Variants in SPOCD1 observed in about 807,000 individuals in gnomAD.
The protein encoded by SPOCD1 is SPOC domain containing 1.
Under a neutral mutation model 92.2 loss-of-function variants are expected in SPOCD1, and 64 were observed. The ratio of observed to expected loss-of-function variants is 0.69; its 90% CI spans 0.57 to 0.86. The LOEUF (loss-of-function observed/expected upper bound fraction) is 0.86, where lower values mean the gene tolerates loss of function less well. Among genes scored for constraint, SPOCD1 ranks in the 40% least tolerant of loss-of-function variants. The pLI is 0.00. For synonymous variants in SPOCD1, 578 were observed against 619.3 expected, an observed-to-expected ratio of 0.93 and a Z score of 0.99; for missense variants, 1,360 against 1,543.1, an observed-to-expected ratio of 0.88 and a Z score of 1.99.
At chr1:31,808,770 A>T (rs1649008703) in intron 2 of SPOCD1, among the ~76,000 whole-genome samples, 1 of 152,224 alleles carries the variant, frequency 6.6e-6, no homozygotes, top group Non-Finnish European at 1.5e-5. Context: ...TTGTCTACAT[A>T]GAAAACAAAC....
At chr1:31,793,011 T>C (rs868739988) in intron 13 of SPOCD1, among the ~76,000 whole-genome samples, 2 of 152,178 alleles carry the variant, frequency 1.3e-5, no homozygotes, top group South Asian at 2.1e-4. Context: ...TCCGACACTT[T>C]AGCTGATCAT....
At position 31,792,299 on chromosome 1, in the gene SPOCD1, AG is replaced by A. The variant is rs1249604960; in HGVS notation, c.2877del (p.Ser960LeufsTer100). 6.2e-7 allele frequency: 1 copy of A among 1,613,886 alleles called. No individual in the cohort carries two copies. The highest frequency in any genetic ancestry group is 8.5e-7 in the Non-Finnish European group (1 of 1,179,960). ...YLNDRQRHGL[A>X]SVEHMGMVLL... ...AGGACCATCCCCATGTGCTCCACAG[AG>A]GCCAGCCCGTGGCGCTGCCTATCAT... On this transcript the variant is annotated frameshift_variant, in exon 15 of 16. Coordinates refer to ENST00000360482, the MANE Select transcript of SPOCD1 (RefSeq NM_144569.7). LOFTEE classifies it high-confidence loss of function.
Position 31,815,351 on chromosome 1 carries a change from G to A in SPOCD1, c.-18C>T, listed in dbSNP as rs1354696158. 2 of 1,520,180 alleles carry A rather than the reference G, an allele frequency of 1.3e-6. No individual in the cohort carries two copies. Among genetic ancestry groups the A allele is most frequent in the South Asian group, 2.6e-5 (2 of 75,770 alleles). 94.2% of individuals were successfully genotyped at this position (1,520,180 alleles called of 1,614,324 possible). A position where few individuals can be genotyped will look rare whatever the true frequency, so the allele number is the denominator to read the frequency against. On this transcript the variant is annotated 5_prime_UTR_variant, in exon 2 of 16. Transcript: ENST00000360482. ...TGGGACATGTCTGTCCACCTACCTG[G>A]GCCAAAAGCACAACACGGGCCCTGT...
Position 31,798,636 on chromosome 1 carries a change from C to T in SPOCD1, c.1869-35G>A. 6.3e-7 allele frequency: 1 copy of T among 1,598,758 alleles called. No individual in the cohort carries two copies. Among genetic ancestry groups the T allele is most frequent in the Non-Finnish European group, 8.5e-7 (1 of 1,173,820 alleles). On this transcript the variant is annotated intron_variant, in intron 7 of 15. Coordinates refer to ENST00000360482, the MANE Select transcript of SPOCD1 (RefSeq NM_144569.7). This position sits in a 1 kb window ranked among gnomAD's most constrained non-coding sequence, Gnocchi z 4.1. ...CCAGGGCAGGGCGGGGGCACTGAGC[C>T]CAGGAGGCTCTCCAGGCACTTAGTC... is the stretch of plus-strand genomic sequence containing the variant.
intron 2 of SPOCD1, among the ~76,000 whole-genome samples, chr1:31,807,751 G>A (rs1371335116): frequency 1.3e-5 from 2 of 151,972 alleles, no homozygotes; most frequent in Admixed American, 1.3e-4. Context: ...ACAATTGTCT[G>A]ACAAGATTGA....
intron 2 of SPOCD1, among the ~76,000 whole-genome samples, chr1:31,808,921 C>A (rs1230032040): frequency 2.6e-5 from 4 of 152,004 alleles, no homozygotes; most frequent in Non-Finnish European, 4.4e-5. Flanking sequence ...ACAGGCCAGG[C>A]CTGGTGGCTC....
In SPOCD1 at chr1:31,793,432, G is replaced by C; in HGVS notation, c.2535-4C>G. ...ATGGAGCCCAGATGGAGGGACCCTA[G>C]AGGGAGGGACAGAAGACAGGGCCAG... On this transcript the variant is annotated splice_region_variant and splice_polypyrimidine_tract_variant and intron_variant, in intron 12 of 15. Transcript: ENST00000360482. The C allele has an allele frequency of 6.3e-7, 1 of 1,585,950 alleles. No homozygotes were observed. Among genetic ancestry groups the C allele is most frequent in the Non-Finnish European group, 8.6e-7 (1 of 1,165,922 alleles).
At chr1:31,812,313 T>C (rs1344771295) in intron 2 of SPOCD1, among the ~76,000 whole-genome samples, 4 of 152,160 alleles carry the variant, frequency 2.6e-5, no homozygotes, top group African/African-American at 7.2e-5. Context: ...ACTACAGTGG[T>C]TGGAAATGAG....
chr1:31,800,603 T>C lies in SPOCD1; in HGVS notation c.1440A>G (p.Pro480=), dbSNP rs1648393440. ...TGATGGCCCCCAGGAGCTGGATCAC[T>C]GGCCCGGAACCCAGCTGCGGGGGAG... ...VKLVCYLGSG[P]VIQLLGAISH... The change falls in exon 4 of 16, where the codon CCA becomes CCG. Residue 480 remains proline (P), a synonymous_variant. Coordinates refer to ENST00000360482, the MANE Select transcript of SPOCD1 (RefSeq NM_144569.7). 2 of 1,607,256 alleles carry C rather than the reference T, an allele frequency of 1.2e-6. No homozygotes were observed.
chr1:31,792,190 T>G (rs1229295149), intron 15 of SPOCD1, 25 bp downstream of exon 15: 1 of 1,577,034 alleles, frequency 6.3e-7, no homozygotes. Flanking sequence ...AGAGGCAGGG[T>G]CTGGTATGGG....
intron 2 of SPOCD1, among the ~76,000 whole-genome samples, chr1:31,806,800 G>A (rs61779651): frequency 0.36 from 54,615 of 151,890 alleles, 11,150 homozygotes; most frequent in Admixed American, 0.47. Context: ...TTATCCGCCC[G>A]CCTAGGCCTC....
In SPOCD1 at chr1:31,815,187, G is replaced by C. The variant is rs375088993; in HGVS notation, c.147C>G (p.Pro49=). The part of the protein sequence containing the change: ...SPDGPGASSG[P]GVRAGSRRKI... ...TCCTTCTGCTGCCAGCCCTGACTCCGGGCCCAGAGCTTGCTCCCGGCCCAT... is the reference window on the plus strand; with the variant it reads ...TCCTTCTGCTGCCAGCCCTGACTCCCGGCCCAGAGCTTGCTCCCGGCCCAT... The change falls in exon 2 of 16, where the codon CCC becomes CCG. Residue 49 remains proline, a synonymous_variant. Transcript: ENST00000360482. The C allele has an allele frequency of 6.2e-7, 1 of 1,607,898 alleles. No individual in the cohort carries two copies. Among genetic ancestry groups the C allele is most frequent in the African/African-American group, 1.3e-5 (1 of 74,826 alleles).
At chr1:31,799,250 C>T in intron 7 of SPOCD1, 151 bp downstream of exon 7, 1 of 669,302 alleles carries the variant, frequency 1.5e-6, no homozygotes, top group Non-Finnish European at 2.6e-6. Flanking sequence ...CAGCTCTCCA[C>T]TGGCTCTTGG....
chr1:31,798,328 T>TGGGGGCA lies in SPOCD1; in HGVS notation c.2029-12_2029-6dup. ...AACCACTTTGAGAAACAAGTCCTGG[T>TGGGGGCA]GGGGGCAGGGGGCAGGGCTGCACCA... On this transcript the variant is annotated splice_region_variant and splice_polypyrimidine_tract_variant and intron_variant, in intron 8 of 15. Coordinates refer to ENST00000360482, the MANE Select transcript of SPOCD1 (RefSeq NM_144569.7). This position sits in a 1 kb window ranked among gnomAD's most constrained non-coding sequence, Gnocchi z 4.1. The TGGGGGCA allele has an allele frequency of 6.2e-7, 1 of 1,611,810 alleles. No homozygotes were observed. The highest frequency in any genetic ancestry group is 8.5e-7 in the Non-Finnish European group (1 of 1,178,772).
chr1:31,815,857 A>AGTTCTCACACTGCGCAAGGAGCAGATACT (rs1234137605), intron 1 of SPOCD1, 104 bp downstream of exon 1: 1 of 152,292 alleles, frequency 6.6e-6, no homozygotes. Context: ...TCTCTCTCCC[A>AGTTCTCACACTGCGCAAGGAGCAGATACT]TCGGTCCCGT....
At chr1:31,794,320 G>C (rs1647844277) in intron 10 of SPOCD1, 85 bp from the exon 11 acceptor site, 1 of 812,306 alleles carries the variant, frequency 1.2e-6, no homozygotes, top group Admixed American at 2.9e-5. Context: ...CCCAGGATGT[G>C]GTTTATTTTT....
chr1:31,798,736 C>G lies in SPOCD1; in HGVS notation c.1869-135G>C, dbSNP rs528677845. The G allele has an allele frequency of 1.1e-6, 1 of 888,110 alleles. No individual in the cohort carries two copies. The highest frequency in any genetic ancestry group is 1.7e-6 in the Non-Finnish European group (1 of 591,026). The allele number at this position is 888,110 out of a possible 1,614,324, so 55.0% of individuals were successfully genotyped here. A position where few individuals can be genotyped will look rare whatever the true frequency, so the allele number is the denominator to read the frequency against. On this transcript the variant is annotated intron_variant, in intron 7 of 15. Transcript: ENST00000360482. The surrounding 1 kb of genome is among the most constrained non-coding windows in gnomAD (Gnocchi z 4.1). ...TGTCGTGGGTGTTTCCCTGCAGGAA[C>G]CTACTTATTCTCACCCCAACTCCGT...
intron 15 of SPOCD1, among the ~76,000 whole-genome samples, chr1:31,791,943 A>G (rs1647622636): frequency 6.6e-6 from 1 of 152,232 alleles, no homozygotes; most frequent in South Asian, 2.1e-4. Context: ...TTCTTCTTCT[A>G]TGAGATGGAC....
chr1:31,805,279 G>A (rs1648747917), intron 2 of SPOCD1, among the ~76,000 whole-genome samples: 2 of 151,640 alleles, frequency 1.3e-5, no homozygotes, highest in Non-Finnish European at 2.9e-5. Flanking sequence ...CCCCGAGCCC[G>A]GCCTGTGCTC....
Sources: allele counts gnomAD v4.1 joint callset (sites outside exome capture counted in the v4.1 genomes callset), GRCh38; gene constraint gnomAD v4.1.1; non-coding constraint Gnocchi (gnomAD v3.1); transcripts MANE v1.5; gene names NCBI Gene and HGNC (gene_info 2026-07-23, HGNC 2026-07-21).